Variants in DHX37 observed in about 807,000 individuals in gnomAD.
The protein encoded by DHX37 is DEAH-box helicase 37, also known as probable ATP-dependent RNA helicase DHX37.
In DHX37, 52 loss-of-function variants were observed where a neutral mutation model predicts 134.3. The ratio of observed to expected loss-of-function variants is 0.39; its 90% CI spans 0.31 to 0.49. The LOEUF is 0.49. Among genes scored for constraint, DHX37 ranks in the 20% least tolerant of loss-of-function variants. The probability of loss-of-function intolerance (pLI) is 0.93; values close to 1 mark genes in which losing one functional copy is unlikely to be tolerated. For missense variants in DHX37, 1,344 were observed against 1,580.8 expected (o/e 0.85, Z 2.54); for synonymous variants, 634 against 670.7 (o/e 0.95, Z 0.85).
intron 15 of DHX37, among the ~76,000 whole-genome samples, chr12:124,961,321 T>G (rs1168568128): frequency 2.9e-5 from 4 of 136,510 alleles, no homozygotes; most frequent in Non-Finnish European, 4.5e-5. Flanking sequence ...CACACTTACA[T>G]ACACACGTGC....
intron 2 of DHX37, among the ~76,000 whole-genome samples, chr12:124,985,251 C>T (rs1014722042): frequency 6.6e-6 from 1 of 152,154 alleles, no homozygotes; most frequent in Non-Finnish European, 1.5e-5. Flanking sequence ...GTGGGATTTG[C>T]TTCAAAATGA....
chr12:124,978,997 A>C (rs115637266), intron 4 of DHX37, among the ~76,000 whole-genome samples: 8,095 of 152,018 alleles, frequency 0.053, 756 homozygotes, highest in African/African-American at 0.19. Flanking sequence ...CGTCATTTGC[A>C]AACACTGCCC....
Position 124,966,824 on chromosome 12 carries a change from G to A in DHX37, c.1559C>T (p.Ser520Leu). ...CCGCGCCTTCTTGGCCCTGGCCCTT[G>A]ACTTCTTAAACTTCCGCATTTCCTC... Reference protein sequence around the residue: ...SVEEMRKFKKSRARAKKARAE... With the variant: ...SVEEMRKFKKLRARAKKARAE... The change falls in exon 12 of 27, where the codon TCA (serine) becomes TTA (leucine). Residue 520 changes from serine to leucine, a missense_variant. Physicochemically the swap from Ser to Leu is moderately radical, Grantham distance 145 (BLOSUM62 -2). This residue lies in a region of DHX37 where 289 missense variants were observed against 323.8 expected (regional missense o/e 0.89). Transcript: ENST00000308736. 1 of 1,614,232 alleles carries A rather than the reference G, an allele frequency of 6.2e-7. No individual in the cohort carries two copies. Among genetic ancestry groups the A allele is most frequent in the Non-Finnish European group, 8.5e-7 (1 of 1,180,048 alleles).
intron 18 of DHX37, among the ~76,000 whole-genome samples, chr12:124,955,240 A>G (rs1954068669): frequency 6.6e-6 from 1 of 152,130 alleles, no homozygotes; most frequent in Non-Finnish European, 1.5e-5. Context: ...CCCTCCCCCA[A>G]TGTGGGTGTG....
In DHX37 at chr12:124,952,541, A is replaced by C. The variant is rs1953996988; in HGVS notation, c.2725T>G (p.Phe909Val). Residue 909 changes from phenylalanine to valine, a missense_variant, in exon 21 of 27, where the codon TTC (phenylalanine) becomes GTC (valine). By Grantham distance (50) the Phe-to-Val change is conservative. Transcript: ENST00000308736. ...VNAVCPEAEL[F>V]VDPKMQPPTE... is the part of the protein sequence containing the mutation. ...GGCGGCTGCATCTTGGGATCCACGA[A>C]GAGCTCAGCCTCGGGGCACACGGCA... 2 of 1,599,796 alleles carry C rather than the reference A, an allele frequency of 1.3e-6. No homozygotes were observed. Among genetic ancestry groups the C allele is most frequent in the South Asian group, 1.1e-5 (1 of 90,520 alleles).
rs544933835 is a variant in DHX37, at chr12:124,958,252, C to T, written c.2158-1117G>A. 6.2e-4 allele frequency among the ~76,000 whole-genome samples: 94 copies of T among 152,236 alleles called. 1 individual carries two copies. Among genetic ancestry groups the T allele is most frequent in the Non-Finnish European group, 1.1e-3 (73 of 68,004 alleles). ...AACTCTATCTCAATAAAGCTAGAGG[C>T]GGGGTGGTGAGCCTGCAGCAGGCAC... is the stretch of plus-strand genomic sequence containing the variant. On this transcript the variant is annotated intron_variant, in intron 16 of 26. Transcript: ENST00000308736.
intron 5 of DHX37, among the ~76,000 whole-genome samples, chr12:124,976,044 C>T (rs768959174): frequency 3.3e-5 from 5 of 152,188 alleles, no homozygotes; most frequent in Admixed American, 2.0e-4. Context: ...TCCTTTTAGG[C>T]GTCTAGGATT....
At chr12:124,964,685 T>C (rs893397472) in intron 14 of DHX37, 59 bp from the exon 15 acceptor site, 4 of 1,594,026 alleles carry the variant, frequency 2.5e-6, no homozygotes, top group Non-Finnish European at 3.4e-6. Flanking sequence ...AATCGTGGAA[T>C]GGAGGCTCAA....
intron 20 of DHX37, 77 bp downstream of exon 20, chr12:124,953,803 A>T: frequency 1.3e-6 from 2 of 1,565,742 alleles, no homozygotes; most frequent in Non-Finnish European, 1.7e-6. Context: ...GACTCTATGG[A>T]TCACTTTTTT....
rs71092251 is a variant in DHX37 at position 124,963,878 on chromosome 12, C to CAA, written c.2045+514_2045+515dup. Among the ~76,000 whole-genome samples the CAA allele has an allele frequency of 1.4e-3, 130 of 91,604 alleles. 7 individuals carry two copies. Among genetic ancestry groups the CAA allele is most frequent in the African/African-American group, 4.0e-3 (105 of 25,996 alleles). 60.1% of individuals were successfully genotyped at this position (91,604 alleles called of 152,430 possible). A position where few individuals can be genotyped will look rare whatever the true frequency, so the allele number is the denominator to read the frequency against. On this transcript the variant is annotated intron_variant, in intron 15 of 26. Coordinates refer to ENST00000308736, the MANE Select transcript of DHX37 (RefSeq NM_032656.4). The stretch of plus-strand genomic sequence containing the variant: ...CTGGGCGACAGAGTGAGACTCGTCT[C>CAA]AAAAAAAAAAAAAAAAAAAAAAAAA...
Position 124,988,968 on chromosome 12 carries a change from CG to C in DHX37, c.54del (p.Gly19AspfsTer22), listed in dbSNP as rs1165655755. The C allele has an allele frequency of 2.2e-6, 3 of 1,353,586 alleles. No homozygotes were observed. Among genetic ancestry groups the C allele is most frequent in the Admixed American group, 3.0e-5 (1 of 32,924 alleles). The allele number at this position is 1,353,586 out of a possible 1,614,324, so 83.8% of individuals were successfully genotyped here. The stretch of plus-strand genomic sequence containing the variant: ...GGCTCGGGGGGGCCCTTCGAGGGTC[CG>C]GGGCCCGCCTGCTGGCGCCCCTTGA... ...YNIKGRQQAG[P>X]GPSKGPPEPP... On this transcript the variant is annotated frameshift_variant, in exon 1 of 27. Coordinates refer to ENST00000308736, the MANE Select transcript of DHX37 (RefSeq NM_032656.4). LOFTEE classifies it high-confidence loss of function.
chr12:124,960,438 A>G lies in DHX37; in HGVS notation c.2046-15T>C. Reference sequence around the variant, plus strand: ...ATGAATACAGCCTGGATGGAGAGAAACCGGGACAACAAACACAAAACTCAC... The same window carrying G: ...ATGAATACAGCCTGGATGGAGAGAAGCCGGGACAACAAACACAAAACTCAC... On this transcript the variant is annotated splice_polypyrimidine_tract_variant and intron_variant, in intron 15 of 26. Coordinates refer to ENST00000308736, the MANE Select transcript of DHX37 (RefSeq NM_032656.4). The G allele has an allele frequency of 6.2e-7, 1 of 1,604,670 alleles. No homozygotes were observed. Among genetic ancestry groups the G allele is most frequent in the East Asian group, 2.2e-5 (1 of 44,736 alleles).
intron 4 of DHX37, among the ~76,000 whole-genome samples, chr12:124,977,720 G>T (rs1048759808): frequency 6.6e-6 from 1 of 152,144 alleles, no homozygotes; most frequent in Non-Finnish European, 1.5e-5. Context: ...CTTGGTTGGG[G>T]CAGAGCAGTC....
intron 16 of DHX37, among the ~76,000 whole-genome samples, chr12:124,957,703 T>C (rs35239792): frequency 0.16 from 23,666 of 152,024 alleles, 4,682 homozygotes; most frequent in African/African-American, 0.47. Flanking sequence ...AGGAGAATCA[T>C]TTGAACCTGG....
rs1953936530 is a variant in DHX37 at position 124,949,750 on chromosome 12, T to TG, written c.3290+235dup. ...ACACAGAGAGATGGCCACGTGAAGA[T>TG]GGAGGCAGAGACTGGAGTGATGTGG... is the stretch of plus-strand genomic sequence containing the variant. On this transcript the variant is annotated intron_variant, in intron 25 of 26. Coordinates refer to ENST00000308736, the MANE Select transcript of DHX37 (RefSeq NM_032656.4). The surrounding 1 kb of genome is among the most constrained non-coding windows in gnomAD (Gnocchi z 4.0). 6.6e-6 allele frequency among the ~76,000 whole-genome samples: 1 copy of TG among 151,704 alleles called. No homozygotes were observed. Among genetic ancestry groups the TG allele is most frequent in the Non-Finnish European group, 1.5e-5 (1 of 67,932 alleles).
chr12:124,973,935 G>GGCCA (rs1334795318), intron 6 of DHX37, among the ~76,000 whole-genome samples: 17 of 126,486 alleles, frequency 1.3e-4, no homozygotes, highest in Admixed American at 7.3e-4. Flanking sequence ...GAGCCGCCGT[G>GGCCA]CCCAGTCCCC....
chr12:124,948,747 CTCAAACAAACAA>C (rs144578481), intron 25 of DHX37: 72,926 of 151,614 alleles, frequency 0.48, 20,337 homozygotes, highest in East Asian at 0.79. Flanking sequence ...AAAACTCTGT[CTCAAACAAACAA>C]GCAAACAAAC....
At position 124,960,228 on chromosome 12, in the gene DHX37, G is replaced by T. The variant is rs930023389; in HGVS notation, c.2157+84C>A. 3.2e-6 allele frequency: 5 copies of T among 1,542,300 alleles called. No homozygotes were observed. The African/African-American group carries it at 6.9e-5, about 21-fold the overall frequency. ...AGCTGCCGCAGGCCAGGCACCAGCA[G>T]ACCCAGCTCTGGGCTCCCTGCCTCA... On this transcript the variant is annotated intron_variant, in intron 16 of 26. Coordinates refer to ENST00000308736, the MANE Select transcript of DHX37 (RefSeq NM_032656.4).
chr12:124,970,262 C>T lies in DHX37; in HGVS notation c.1191+1040G>A, dbSNP rs1162512334. ...GTGCTGGGATTACAGGCGTGAGCCA[C>T]CGTGCCCGGCCTAGGGTTTCTTGTT... On this transcript the variant is annotated intron_variant, in intron 8 of 26. Transcript: ENST00000308736. Among the ~76,000 whole-genome samples the T allele has an allele frequency of 3.9e-5, 6 of 152,254 alleles. No individual in the cohort carries two copies. In the East Asian group the frequency reaches 9.6e-4, roughly 24 times the overall value.
Sources: gnomAD v4.1 joint callset for allele counts (sites outside exome capture counted in the v4.1 genomes callset) on GRCh38, gnomAD v4.1.1 for gene constraint, gnomAD v4.1.1 regional missense constraint, Gnocchi (gnomAD v3.1) non-coding constraint, MANE v1.5 for transcripts, NCBI Gene and HGNC (gene_info 2026-07-23, HGNC 2026-07-21) for gene names.